The following PRKN variants were observed in gnomAD, a reference collection of about 807,000 sequenced individuals.
PRKN encodes the protein parkin RBR E3 ubiquitin protein ligase, also known as E3 ubiquitin-protein ligase parkin.
A neutral mutation model predicts 59.5 loss-of-function variants in PRKN; 56 were observed. The observed-to-expected ratio is 0.94, with a 90% CI of 0.76 to 1.18. The LOEUF is 1.18. Among genes scored for constraint, PRKN ranks in the 50% most tolerant of loss-of-function variants. PRKN has a pLI of 0.00. For missense variants in PRKN, 657 were observed against 596.4 expected (o/e 1.10, Z -1.06); for synonymous variants, 250 against 222.1 (o/e 1.13, Z -1.12).
At chr6:162,538,895 T>TA (rs1778818131) in intron 1 of PRKN, among the ~76,000 whole-genome samples, 1 of 152,178 alleles carries the variant, frequency 6.6e-6, no homozygotes, top group African/African-American at 2.4e-5. Context: ...TATTTACTGA[T>TA]AAAAAGCACA....
chr6:161,805,402 G>A (rs530654931), intron 6 of PRKN, among the ~76,000 whole-genome samples: 97 of 151,780 alleles, frequency 6.4e-4, no homozygotes, highest in Non-Finnish European at 1.3e-3. Context: ...GGATGCCATC[G>A]AGGTCCCGCT....
At chr6:162,387,255 A>T (rs1009903250) in intron 2 of PRKN, among the ~76,000 whole-genome samples, 7 of 142,246 alleles carry the variant, frequency 4.9e-5, no homozygotes, top group East Asian at 2.2e-4. Flanking sequence ...AAAAAAAAAA[A>T]TTTCTCCAAC....
At chr6:162,642,964 G>A (rs1778019183) in intron 1 of PRKN, among the ~76,000 whole-genome samples, 1 of 152,022 alleles carries the variant, frequency 6.6e-6, no homozygotes, top group Non-Finnish European at 1.5e-5. Flanking sequence ...ATGGTGGATT[G>A]CGACATTTTA....
intron 7 of PRKN, among the ~76,000 whole-genome samples, chr6:161,721,158 A>G (rs1787205131): frequency 6.6e-6 from 1 of 152,232 alleles, no homozygotes; most frequent in Admixed American, 6.5e-5. Flanking sequence ...TTTTTAACTA[A>G]ACAGAAAAGT....
intron 3 of PRKN, among the ~76,000 whole-genome samples, chr6:162,220,751 G>C (rs938064173): frequency 2.0e-5 from 3 of 152,220 alleles, no homozygotes; most frequent in African/African-American, 7.2e-5. Flanking sequence ...AAGGGGAGGG[G>C]CAGGCAGCCG....
intron 1 of PRKN, among the ~76,000 whole-genome samples, chr6:162,623,497 C>T (rs1447671730): frequency 6.6e-6 from 1 of 152,016 alleles, no homozygotes; most frequent in African/African-American, 2.4e-5. Flanking sequence ...AAAAGGACAG[C>T]AGTATATTAA....
intron 7 of PRKN, among the ~76,000 whole-genome samples, chr6:161,646,330 C>T (rs1451712223): frequency 9.9e-6 from 1 of 100,898 alleles, no homozygotes; most frequent in Non-Finnish European, 2.0e-5. Context: ...GTGGTGACTG[C>T]GTGTGCGTGC....
intron 7 of PRKN, among the ~76,000 whole-genome samples, chr6:161,635,666 T>C (rs1406982594): frequency 2.0e-5 from 3 of 152,166 alleles, no homozygotes; most frequent in African/African-American, 4.8e-5. Flanking sequence ...CTTTTTTTCC[T>C]GGAGGAGGGG....
At chr6:162,673,715 A>T (rs1562486987) in intron 1 of PRKN, among the ~76,000 whole-genome samples, 1 of 152,160 alleles carries the variant, frequency 6.6e-6, no homozygotes, top group Non-Finnish European at 1.5e-5. Context: ...AATCAAAGTA[A>T]GAGAAAAAAC....
chr6:162,166,047 C>CAAAAAAAAAAAA (rs10557222), intron 4 of PRKN, among the ~76,000 whole-genome samples: 56 of 80,186 alleles, frequency 7.0e-4, no homozygotes, highest in African/African-American at 2.7e-3. Flanking sequence ...GACTCTATCT[C>CAAAAAAAAAAAA]AAAAAAAAAA....
chr6:162,668,000 G>A (rs1779168933), intron 1 of PRKN, among the ~76,000 whole-genome samples: 1 of 151,994 alleles, frequency 6.6e-6, no homozygotes, highest in South Asian at 2.1e-4. Context: ...TCATAGACAA[G>A]AGAGGAAAAA....
intron 2 of PRKN, among the ~76,000 whole-genome samples, chr6:162,286,742 A>T (rs989350862): frequency 6.6e-6 from 1 of 152,216 alleles, no homozygotes; most frequent in African/African-American, 2.4e-5. Flanking sequence ...TTTTTAAAAT[A>T]TCTGGCCAAG....
intron 4 of PRKN, among the ~76,000 whole-genome samples, chr6:162,090,287 A>T (rs1049253736): frequency 1.3e-5 from 2 of 152,192 alleles, no homozygotes; most frequent in African/African-American, 4.8e-5. Context: ...TAGTGGATTT[A>T]TATTTTAGAC....
intron 6 of PRKN, among the ~76,000 whole-genome samples, chr6:161,859,969 A>G (rs368147445): frequency 6.6e-6 from 1 of 152,326 alleles, no homozygotes; most frequent in African/African-American, 2.4e-5. Context: ...GACTTAGTAT[A>G]ATTGCCTGCT....
At chr6:162,544,210 A>G (rs186907026) in intron 1 of PRKN, among the ~76,000 whole-genome samples, 87 of 152,290 alleles carry the variant, frequency 5.7e-4, no homozygotes, top group African/African-American at 1.9e-3. Flanking sequence ...ACATAAGCAT[A>G]TAAGATGCTC....
At chr6:161,439,884 C>T (rs945781377) in intron 9 of PRKN, among the ~76,000 whole-genome samples, 3 of 152,038 alleles carry the variant, frequency 2.0e-5, no homozygotes, top group Admixed American at 6.5e-5. Flanking sequence ...TCAAGGTCGT[C>T]CCAGTAGAGC....
chr6:162,264,367 A>G (rs1281126429), intron 2 of PRKN, among the ~76,000 whole-genome samples: 1 of 152,138 alleles, frequency 6.6e-6, no homozygotes, highest in Non-Finnish European at 1.5e-5. Context: ...TGCTCCAAGA[A>G]CACTCAAGTG....
At chr6:161,653,366 AAAAACAACAAC>A (rs1258197287) in intron 7 of PRKN, among the ~76,000 whole-genome samples, 1 of 149,194 alleles carries the variant, frequency 6.7e-6, no homozygotes, top group African/African-American at 2.6e-5. Flanking sequence ...GAATCTTCTC[AAAAACAACAAC>A]AAAACAACAA....
intron 6 of PRKN, among the ~76,000 whole-genome samples, chr6:161,839,547 A>G (rs1460961554): frequency 1.3e-5 from 2 of 152,084 alleles, no homozygotes; most frequent in South Asian, 4.2e-4. Flanking sequence ...CGGGGGTCCC[A>G]CTGACTCTGG....
Sources: gnomAD v4.1 joint callset for allele counts (sites outside exome capture counted in the v4.1 genomes callset) on GRCh38, gnomAD v4.1.1 for gene constraint, MANE v1.5 for transcripts, NCBI Gene and HGNC (gene_info 2026-07-23, HGNC 2026-07-21) for gene names.